ADK: variants seen among roughly 807,000 people sequenced by gnomAD.
ADK encodes the protein adenosine kinase, also known as N6,N6-dimethyladenosine kinase.
ADK carries 24 observed loss-of-function variants against 44.7 expected under a neutral mutation model. The ratio of observed to expected loss-of-function variants is 0.54; its 90% CI spans 0.39 to 0.76. ADK has a LOEUF of 0.76. ADK is among the 30% of genes least tolerant of loss of function. ADK has a pLI of 0.00. For synonymous variants in ADK, 128 were observed against 142.6 expected, an observed-to-expected ratio of 0.90 and a Z score of 0.73; for missense variants, 321 against 425.1, an observed-to-expected ratio of 0.76 and a Z score of 2.15.
intron 6 of ADK, among the ~76,000 whole-genome samples, chr10:74,520,019 T>A (rs1168828198): frequency 3.3e-5 from 5 of 152,022 alleles, no homozygotes; most frequent in African/African-American, 7.2e-5. Context: ...TTTCTATGTA[T>A]TTTTAAAAAA....
At chr10:74,343,232 T>C (rs879686839) in intron 4 of ADK, among the ~76,000 whole-genome samples, 5 of 152,164 alleles carry the variant, frequency 3.3e-5, no homozygotes, top group Admixed American at 3.3e-4. Flanking sequence ...TTGTGGGTGC[T>C]GACCCACTGC....
At chr10:74,688,856 CAAT>C (rs1178984336) in intron 10 of ADK, among the ~76,000 whole-genome samples, 5 of 152,168 alleles carry the variant, frequency 3.3e-5, no homozygotes, top group African/African-American at 9.7e-5. Flanking sequence ...GTCAAGGAAA[CAAT>C]GAGCCATAAT....
In ADK at chr10:74,570,373, C is replaced by T. The variant is rs1280937716; in HGVS notation, c.727-18909C>T. 2.0e-5 allele frequency among the ~76,000 whole-genome samples: 3 copies of T among 152,262 alleles called. No homozygotes were observed. In the East Asian group the frequency reaches 5.8e-4, roughly 29 times the overall value. On this transcript the variant is annotated intron_variant, in intron 7 of 10. Coordinates refer to ENST00000539909, the MANE Select transcript of ADK (RefSeq NM_006721.4). ...TATAAATTACCTTGGGCAATATGGCCATTTTCACAATATTGATTCTTCCTA... is the reference window on the plus strand; with the variant it reads ...TATAAATTACCTTGGGCAATATGGCTATTTTCACAATATTGATTCTTCCTA...
At chr10:74,598,580 A>G (rs1029741443) in intron 8 of ADK, among the ~76,000 whole-genome samples, 5 of 150,124 alleles carry the variant, frequency 3.3e-5, no homozygotes. Context: ...CCTCCCAAGT[A>G]GCTAGGACTA....
chr10:74,497,233 G>A (rs1484317211), intron 6 of ADK, among the ~76,000 whole-genome samples: 1 of 152,236 alleles, frequency 6.6e-6, no homozygotes, highest in African/African-American at 2.4e-5. Context: ...TGATGCTTGA[G>A]TGTAAGAAGT....
chr10:74,367,582 C>A (rs1842534133), intron 4 of ADK, among the ~76,000 whole-genome samples: 1 of 152,126 alleles, frequency 6.6e-6, no homozygotes, highest in Admixed American at 6.5e-5. Flanking sequence ...ACTTGTAAAT[C>A]CAAAACCAGT....
At chr10:74,650,339 GA>G (rs1316092592) in intron 9 of ADK, among the ~76,000 whole-genome samples, 1 of 152,104 alleles carries the variant, frequency 6.6e-6, no homozygotes, top group African/African-American at 2.4e-5. Flanking sequence ...AGAATCACTT[GA>G]ACCCAGGAGG....
At chr10:74,686,565 A>C (rs532776063) in intron 10 of ADK, among the ~76,000 whole-genome samples, 1 of 152,320 alleles carries the variant, frequency 6.6e-6, no homozygotes, top group Admixed American at 6.5e-5. Flanking sequence ...TTGTGAGACA[A>C]TAAATTTCTG....
intron 6 of ADK, among the ~76,000 whole-genome samples, chr10:74,493,747 GA>G (rs1480892603): frequency 6.6e-6 from 1 of 151,926 alleles, no homozygotes; most frequent in Non-Finnish European, 1.5e-5. Context: ...TGAAGAAATA[GA>G]TCATTTTAAA....
intron 1 of ADK, among the ~76,000 whole-genome samples, chr10:74,170,278 C>CAAA (rs1474415439): frequency 6.6e-6 from 1 of 151,676 alleles, no homozygotes. Flanking sequence ...TAAAATTAAT[C>CAAA]AAAAAAATCA....
chr10:74,180,787 G>A (rs1209275425), intron 1 of ADK, among the ~76,000 whole-genome samples: 3 of 151,980 alleles, frequency 2.0e-5, no homozygotes, highest in Admixed American at 6.6e-5. Context: ...TCCTGACGTC[G>A]TGATCCCCCC....
chr10:74,282,432 C>A (rs1846976286), intron 3 of ADK, among the ~76,000 whole-genome samples: 1 of 152,068 alleles, frequency 6.6e-6, no homozygotes, highest in African/African-American at 2.4e-5. Flanking sequence ...CATGGTGATA[C>A]CGAAGTACTT....
chr10:74,622,657 G>A (rs1260916653), intron 9 of ADK, among the ~76,000 whole-genome samples: 1 of 152,136 alleles, frequency 6.6e-6, no homozygotes, highest in Non-Finnish European at 1.5e-5. Flanking sequence ...TTTGGGAACT[G>A]CTGGATTAGG....
intron 4 of ADK, among the ~76,000 whole-genome samples, chr10:74,324,906 T>G (rs1157871751): frequency 6.6e-6 from 1 of 152,208 alleles, no homozygotes; most frequent in Admixed American, 6.5e-5. Flanking sequence ...TATAGCCTTT[T>G]GTAATATATT....
intron 3 of ADK, among the ~76,000 whole-genome samples, chr10:74,278,366 TAAAAA>T (rs56769018): frequency 1.8e-5 from 2 of 113,918 alleles, no homozygotes; most frequent in Admixed American, 1.9e-4. Context: ...AAAAAAAAAT[TAAAAA>T]AAAAAAAAAA....
intron 9 of ADK, among the ~76,000 whole-genome samples, chr10:74,649,028 A>G (rs1291086531): frequency 6.6e-6 from 1 of 151,990 alleles, no homozygotes; most frequent in African/African-American, 2.4e-5. Context: ...AAAAATACAA[A>G]AATTAGCTGG....
At chr10:74,331,349 T>C (rs1258754268) in intron 4 of ADK, among the ~76,000 whole-genome samples, 2 of 152,224 alleles carry the variant, frequency 1.3e-5, no homozygotes, top group African/African-American at 2.4e-5. Flanking sequence ...TTATGATTAA[T>C]AGAAATAATG....
intron 4 of ADK, among the ~76,000 whole-genome samples, chr10:74,316,103 G>A (rs1431016957): frequency 1.3e-5 from 2 of 151,980 alleles, no homozygotes; most frequent in African/African-American, 4.8e-5. Context: ...AGCCAGGTGT[G>A]GTGGCATATG....
intron 7 of ADK, among the ~76,000 whole-genome samples, chr10:74,550,733 A>G (rs2133777834): frequency 6.6e-6 from 1 of 152,348 alleles, no homozygotes; most frequent in East Asian, 1.9e-4. Context: ...TGGTAGTTAA[A>G]GAATATAGGC....
Sources: allele counts gnomAD v4.1 joint callset (sites outside exome capture counted in the v4.1 genomes callset), GRCh38; gene constraint gnomAD v4.1.1; transcripts MANE v1.5; gene names NCBI Gene and HGNC (gene_info 2026-07-23, HGNC 2026-07-21).